Variants in ANKS1B observed in about 807,000 individuals in gnomAD.
ANKS1B encodes the protein ankyrin repeat and sterile alpha motif domain-containing protein 1B.
In ANKS1B, 36 loss-of-function variants were observed where a neutral mutation model predicts 148.3. That is an observed-to-expected ratio of 0.24 (90% CI 0.19 to 0.32). ANKS1B has a LOEUF of 0.32. ANKS1B is among the 10% of genes least tolerant of loss of function. ANKS1B has a pLI of 1.00. For missense variants in ANKS1B, 1,157 were observed against 1,542.6 expected (o/e 0.75, Z 4.19); for synonymous variants, 542 against 560.8 (o/e 0.97, Z 0.47).
At chr12:99,171,752 G>A (rs182441498) in intron 14 of ANKS1B, among the ~76,000 whole-genome samples, 187 of 152,162 alleles carry the variant, frequency 1.2e-3, no homozygotes, top group Middle Eastern at 6.8e-3. Flanking sequence ...TAGTAATTCC[G>A]TTGATTTTGT....
At chr12:99,856,721 G>A (rs747314868) in intron 1 of ANKS1B, among the ~76,000 whole-genome samples, 3 of 151,886 alleles carry the variant, frequency 2.0e-5, no homozygotes, top group Non-Finnish European at 2.9e-5. Context: ...ATGCGGGGAC[G>A]GTTTAACATA....
At chr12:99,546,287 A>G (rs2097172242) in intron 9 of ANKS1B, among the ~76,000 whole-genome samples, 1 of 152,222 alleles carries the variant, frequency 6.6e-6, no homozygotes, top group African/African-American at 2.4e-5. Flanking sequence ...GAACACTAAT[A>G]TATATAAGGA....
chr12:99,812,129 C>T (rs2068453507), intron 3 of ANKS1B, 26 bp downstream of exon 3: 1 of 1,590,772 alleles, frequency 6.3e-7, no homozygotes, highest in East Asian at 2.2e-5. Context: ...AAAATTACAT[C>T]ATGAGCAAAC....
chr12:98,846,116 TGCATCTGAGTCA>T (rs2099466089), intron 17 of ANKS1B, among the ~76,000 whole-genome samples: 1 of 152,152 alleles, frequency 6.6e-6, no homozygotes, highest in Non-Finnish European at 1.5e-5. Context: ...AATACTGCAT[TGCATCTGAGTCA>T]TGCTCTGTGT....
intron 17 of ANKS1B, among the ~76,000 whole-genome samples, chr12:99,010,759 TA>T (rs67636066): frequency 0.085 from 11,958 of 140,368 alleles, 902 homozygotes; most frequent in African/African-American, 0.21. Flanking sequence ...TTATTATTAT[TA>T]TTTTTTTTTG....
chr12:99,484,773 T>G (rs539740875), intron 10 of ANKS1B, among the ~76,000 whole-genome samples: 33 of 150,470 alleles, frequency 2.2e-4, no homozygotes, highest in African/African-American at 6.6e-4. Flanking sequence ...TGTTTTTTTT[T>G]TTTTTTTTTT....
At chr12:99,513,112 A>G (rs1407397331) in intron 9 of ANKS1B, among the ~76,000 whole-genome samples, 1 of 151,904 alleles carries the variant, frequency 6.6e-6, no homozygotes, top group Non-Finnish European at 1.5e-5. Context: ...TACTCTGATC[A>G]GTCAGTGGCC....
At chr12:98,885,121 T>C (rs1422949621) in intron 17 of ANKS1B, among the ~76,000 whole-genome samples, 4 of 152,204 alleles carry the variant, frequency 2.6e-5, no homozygotes, top group Admixed American at 1.3e-4. Context: ...CTCTAAAATA[T>C]ACATTCCAGA....
rs1383054229 is a variant in ANKS1B at position 99,803,312 on chromosome 12, A to T, written c.669+3092T>A. 2.7e-5 allele frequency among the ~76,000 whole-genome samples: 4 copies of T among 146,096 alleles called. No homozygotes were observed. In the East Asian group the frequency reaches 6.7e-4, roughly 25 times the overall value. On this transcript the variant is annotated intron_variant, in intron 4 of 26. Transcript: ENST00000683438. Reference sequence around the variant, plus strand: ...AAAAAAAGGCAATGAGACCAAAAAAAAAACCAACATATTTTCTATGAACAA... The same window carrying T: ...AAAAAAAGGCAATGAGACCAAAAAATAAACCAACATATTTTCTATGAACAA...
intron 10 of ANKS1B, among the ~76,000 whole-genome samples, chr12:99,463,186 T>C (rs971355420): frequency 6.6e-6 from 1 of 152,216 alleles, no homozygotes; most frequent in Non-Finnish European, 1.5e-5. Flanking sequence ...GTATAAGCCT[T>C]TTGCCTCAGC....
At chr12:99,131,728 T>A (rs1383108313) in intron 15 of ANKS1B, among the ~76,000 whole-genome samples, 1 of 152,242 alleles carries the variant, frequency 6.6e-6, no homozygotes, top group Admixed American at 6.5e-5. Context: ...CCTGAGCCTT[T>A]CTTTTTCTTA....
At chr12:99,111,931 A>T (rs972896945) in intron 15 of ANKS1B, among the ~76,000 whole-genome samples, 3 of 152,166 alleles carry the variant, frequency 2.0e-5, no homozygotes, top group African/African-American at 7.2e-5. Flanking sequence ...TTACCATTTG[A>T]TTGATTTACC....
intron 9 of ANKS1B, among the ~76,000 whole-genome samples, chr12:99,508,823 A>G (rs761483918): frequency 1.3e-5 from 2 of 151,878 alleles, no homozygotes; most frequent in Non-Finnish European, 2.9e-5. Context: ...GGTTCCATAT[A>G]TATGTCTATT....
At chr12:99,476,725 T>G (rs1449974453) in intron 10 of ANKS1B, among the ~76,000 whole-genome samples, 1 of 152,170 alleles carries the variant, frequency 6.6e-6, no homozygotes, top group African/African-American at 2.4e-5. Context: ...GCTATCTATT[T>G]CTGTGTAACA....
At chr12:99,497,645 A>G (rs1408918765) in intron 10 of ANKS1B, among the ~76,000 whole-genome samples, 2 of 152,030 alleles carry the variant, frequency 1.3e-5, no homozygotes, top group East Asian at 3.9e-4. Flanking sequence ...GGGTCCACTT[A>G]ATGGCTTTAT....
At chr12:99,027,098 T>C (rs2099949188) in intron 17 of ANKS1B, among the ~76,000 whole-genome samples, 1 of 152,248 alleles carries the variant, frequency 6.6e-6, no homozygotes, top group Admixed American at 6.5e-5. Flanking sequence ...AAGTTATTTA[T>C]ACAGAGAGTT....
intron 9 of ANKS1B, among the ~76,000 whole-genome samples, chr12:99,652,244 G>A (rs1473176518): frequency 2.6e-5 from 4 of 151,930 alleles, no homozygotes; most frequent in East Asian, 1.9e-4. Flanking sequence ...AAGCCGAGGC[G>A]GGCAGATCAC....
At position 99,584,540 on chromosome 12, in the gene ANKS1B, C is replaced by T. The variant is rs565485443; in HGVS notation, c.1272+70527G>A. Among the ~76,000 whole-genome samples the T allele has an allele frequency of 1.6e-3, 247 of 152,156 alleles. 1 individual carries two copies. The highest frequency in any genetic ancestry group is 6.8e-3 in the Middle Eastern group (2 of 294). ...TGAGCCCAGGAGACCGAGGCTGCAG[C>T]GAGCTGTGACTGCATCACTGTACTC... On this transcript the variant is annotated intron_variant, in intron 9 of 26. Transcript: ENST00000683438.
At chr12:99,918,171 T>G (rs2094229874) in intron 1 of ANKS1B, among the ~76,000 whole-genome samples, 1 of 152,224 alleles carries the variant, frequency 6.6e-6, no homozygotes, top group Admixed American at 6.5e-5. Context: ...TACAGCGCAG[T>G]AGATGAGTCA....
Sources: gnomAD v4.1 joint callset for allele counts (sites outside exome capture counted in the v4.1 genomes callset) on GRCh38, gnomAD v4.1.1 for gene constraint, MANE v1.5 for transcripts, NCBI Gene and HGNC (gene_info 2026-07-23, HGNC 2026-07-21) for gene names.